The following ATP2B2 variants were observed in gnomAD, a reference collection of about 807,000 sequenced individuals.
ATP2B2 encodes the protein ATPase plasma membrane Ca2+ transporting 2.
A neutral mutation model predicts 120.0 loss-of-function variants in ATP2B2; 15 were observed. The ratio of observed to expected loss-of-function variants is 0.12; its 90% CI spans 0.08 to 0.19. ATP2B2 has a LOEUF of 0.19. Among genes scored for constraint, ATP2B2 ranks in the 10% least tolerant of loss-of-function variants. ATP2B2 has a pLI of 1.00. For synonymous variants in ATP2B2, 694 were observed against 700.3 expected (o/e 0.99, Z 0.14); for missense variants, 1,045 against 1,719.8 (o/e 0.61, Z 6.94).
intron 2 of ATP2B2, among the ~76,000 whole-genome samples, chr3:10,611,105 C>T (rs2125608229): frequency 6.6e-6 from 1 of 152,340 alleles, no homozygotes; most frequent in Non-Finnish European, 1.5e-5. Flanking sequence ...CAAACAGCTC[C>T]AAATCCACCC....
chr3:10,422,993 G>A (rs995400602), intron 2 of ATP2B2, among the ~76,000 whole-genome samples: 7 of 152,170 alleles, frequency 4.6e-5, no homozygotes, highest in Non-Finnish European at 1.0e-4. Flanking sequence ...GGGGATCTGA[G>A]TGGAAGGTGG....
At chr3:10,493,716 A>C (rs1279527610) in intron 1 of ATP2B2, among the ~76,000 whole-genome samples, 1 of 152,232 alleles carries the variant, frequency 6.6e-6, no homozygotes, top group East Asian at 1.9e-4. Flanking sequence ...CAGTGTTCTA[A>C]TGAAATCACT....
chr3:10,438,018 G>A (rs564767147), intron 2 of ATP2B2, among the ~76,000 whole-genome samples: 43 of 152,302 alleles, frequency 2.8e-4, no homozygotes, highest in African/African-American at 6.5e-4. Flanking sequence ...TTTGGATGGC[G>A]TGGCTGAGCT....
At chr3:10,617,607 G>A (rs2069428931) in intron 2 of ATP2B2, among the ~76,000 whole-genome samples, 1 of 152,246 alleles carries the variant, frequency 6.6e-6, no homozygotes, top group Non-Finnish European at 1.5e-5. Flanking sequence ...CATAGCTTGA[G>A]AAGGAAGCAG....
At chr3:10,396,559 C>T (rs73016683) in intron 5 of ATP2B2, among the ~76,000 whole-genome samples, 6,787 of 152,322 alleles carry the variant, frequency 0.045, 178 homozygotes, top group Middle Eastern at 0.075. Flanking sequence ...AAGGCCTCCC[C>T]GCTGATGTAA....
chr3:10,582,735 G>C (rs2068420521), intron 2 of ATP2B2, among the ~76,000 whole-genome samples: 1 of 152,160 alleles, frequency 6.6e-6, no homozygotes, highest in Non-Finnish European at 1.5e-5. Flanking sequence ...TGAGCCTGGT[G>C]ATCTAAGAGA....
intron 1 of ATP2B2, among the ~76,000 whole-genome samples, chr3:10,672,652 C>T (rs907602365): frequency 3.3e-5 from 5 of 152,166 alleles, no homozygotes; most frequent in South Asian, 2.1e-4. Flanking sequence ...TACTGGCCAC[C>T]GAGCAGTAAT....
At chr3:10,405,000 G>T (rs2062361751) in intron 3 of ATP2B2, among the ~76,000 whole-genome samples, 1 of 152,134 alleles carries the variant, frequency 6.6e-6, no homozygotes, top group African/African-American at 2.4e-5. Context: ...TGGAGCATTT[G>T]GACACTTAGA....
At chr3:10,707,304 A>G (rs1483367199) in intron 1 of ATP2B2, among the ~76,000 whole-genome samples, 1 of 152,110 alleles carries the variant, frequency 6.6e-6, no homozygotes. Flanking sequence ...GGCCAGGAGG[A>G]GGGGAGCTAG....
intron 5 of ATP2B2, among the ~76,000 whole-genome samples, chr3:10,392,778 G>A (rs1232804084): frequency 6.6e-6 from 1 of 152,248 alleles, no homozygotes; most frequent in Non-Finnish European, 1.5e-5. Flanking sequence ...GTGACCTTGG[G>A]GCCAGCCCCT....
intron 1 of ATP2B2, among the ~76,000 whole-genome samples, chr3:10,501,077 C>G (rs771638450): frequency 6.6e-6 from 1 of 152,226 alleles, no homozygotes; most frequent in Admixed American, 6.5e-5. Flanking sequence ...CTCCCCCATA[C>G]CCAGGGACCT....
chr3:10,374,730 A>G (rs1190018053), intron 11 of ATP2B2, among the ~76,000 whole-genome samples: 1 of 152,222 alleles, frequency 6.6e-6, no homozygotes, highest in African/African-American at 2.4e-5. Flanking sequence ...GTGCAGGTGG[A>G]GGTGCAGCTC....
rs564784119 is a variant in ATP2B2 at position 10,369,018 on chromosome 3, G to A, written c.1659+2791C>T. On this transcript the variant is annotated intron_variant, in intron 12 of 22. Coordinates refer to ENST00000360273, the MANE Select transcript of ATP2B2 (RefSeq NM_001001331.4). ...ACAGCCTGGCATCAGACAGCAAGAA[G>A]ACACAGAGGAACTGGCCTCCTTGTG... 1.9e-4 allele frequency among the ~76,000 whole-genome samples: 29 copies of A among 152,342 alleles called. No homozygotes were observed. In the South Asian group the frequency reaches 6.0e-3, roughly 32 times the overall value.
intron 1 of ATP2B2, among the ~76,000 whole-genome samples, chr3:10,458,584 T>C (rs56287018): frequency 2.4e-3 from 26 of 10,836 alleles, no homozygotes; most frequent in Admixed American, 4.5e-3. Context: ...CTTGGTGTGA[T>C]GACTATGATG....
intron 11 of ATP2B2, among the ~76,000 whole-genome samples, chr3:10,374,998 G>A (rs965125112): frequency 6.6e-6 from 1 of 152,208 alleles, no homozygotes; most frequent in East Asian, 1.9e-4. Context: ...AGACTTCTAC[G>A]TAAATTTGGT....
intron 2 of ATP2B2, among the ~76,000 whole-genome samples, chr3:10,556,392 G>A (rs553935829): frequency 6.6e-6 from 1 of 152,322 alleles, no homozygotes; most frequent in East Asian, 1.9e-4. Flanking sequence ...CTAGTGGTGG[G>A]GGAGACAAAT....
intron 1 of ATP2B2, among the ~76,000 whole-genome samples, chr3:10,641,368 G>A (rs540430105): frequency 6.6e-6 from 1 of 152,254 alleles, no homozygotes; most frequent in Admixed American, 6.5e-5. Context: ...GCTGCAAATG[G>A]AGAGTCTCAA....
chr3:10,417,150 G>T (rs1162018248), intron 2 of ATP2B2, among the ~76,000 whole-genome samples: 1 of 149,532 alleles, frequency 6.7e-6, no homozygotes, highest in Non-Finnish European at 1.5e-5. Flanking sequence ...CCCAGATGGG[G>T]CGGTGGCCAG....
upstream of ATP2B2, among the ~76,000 whole-genome samples, chr3:10,507,218 C>A (rs1232660979): frequency 6.6e-6 from 1 of 152,188 alleles, no homozygotes; most frequent in South Asian, 2.1e-4. Context: ...CAGAGCAGCC[C>A]AGGACACCCC....
Sources: allele counts gnomAD v4.1 joint callset (sites outside exome capture counted in the v4.1 genomes callset), GRCh38; gene constraint gnomAD v4.1.1; transcripts MANE v1.5; gene names NCBI Gene and HGNC (gene_info 2026-07-23, HGNC 2026-07-21).